The following DPYSL4 variants were observed in gnomAD, a reference collection of about 807,000 sequenced individuals.
The protein encoded by DPYSL4 is dihydropyrimidinase like 4, also known as dihydropyrimidinase-related protein 4.
In DPYSL4, 43 loss-of-function variants were observed where a neutral mutation model predicts 63.4. The observed-to-expected ratio is 0.68, with a 90% CI of 0.53 to 0.88. The LOEUF is 0.88. Ranked by LOEUF, DPYSL4 falls within the 40% of genes least tolerant of loss-of-function variation. The pLI, the probability that DPYSL4 is intolerant of heterozygous loss-of-function variation, is 0.00. For missense variants in DPYSL4, 733 were observed against 819.5 expected, an observed-to-expected ratio of 0.89 and a Z score of 1.29; for synonymous variants, 353 against 331.7, an observed-to-expected ratio of 1.06 and a Z score of -0.70.
chr10:132,188,393 G>A (rs966031408), intron 1 of DPYSL4, among the ~76,000 whole-genome samples: 2 of 152,212 alleles, frequency 1.3e-5, no homozygotes, highest in Non-Finnish European at 2.9e-5. Flanking sequence ...CCTTCTGCCC[G>A]GTTGCGTTTT....
At chr10:132,204,723 G>A (rs906869671) in intron 13 of DPYSL4, 116 bp from the exon 14 acceptor site, 23 of 811,176 alleles carry the variant, frequency 2.8e-5, no homozygotes, top group Non-Finnish European at 3.7e-5. Context: ...GCAGGTGTGC[G>A]GGGGCTCTGC....
rs777892728 is a variant in DPYSL4, at chr10:132,202,690, G to A, written c.1326G>A (p.Ala442=). Residue 442 remains alanine (A), a synonymous_variant, in exon 12 of 14, where the codon GCG becomes GCA. Coordinates refer to ENST00000338492, the MANE Select transcript of DPYSL4 (RefSeq NM_006426.3). ...TCGAGGGAGTGGAGTGCCGGGGAGC[G>A]CCTGCCGTGGTCATAAGTCAGGGCC... ...NIFEGVECRG[A]PAVVISQGRV... 54 of 1,613,078 alleles carry A rather than the reference G, an allele frequency of 3.3e-5. No individual in the cohort carries two copies. The East Asian group carries it at 4.7e-4, about 14-fold the overall frequency.
Position 132,191,746 on chromosome 10 carries a change from C to G in DPYSL4, c.128+911C>G, listed in dbSNP as rs2492644. ...CCAGGCAGGTGAAAGTATGTTCCCA[C>G]CTCTTGTGTACACACTGGTCACGTG... On this transcript the variant is annotated intron_variant, in intron 2 of 13. Transcript: ENST00000338492. Among the ~76,000 whole-genome samples the G allele has an allele frequency of 5.6e-3, 318 of 56,324 alleles. 1 individual carries two copies. The highest frequency in any genetic ancestry group is 0.029 in the East Asian group (6 of 206). The allele number at this position is 56,324 out of a possible 152,430, so 37.0% of individuals were successfully genotyped here.
Position 132,186,994 on chromosome 10 carries a change from T to TCCCGCC in DPYSL4, c.-67_-66insGCCCCC. 1.4e-5 allele frequency: 3 copies of TCCCGCC among 217,372 alleles called. No homozygotes were observed. Among genetic ancestry groups the TCCCGCC allele is most frequent in the South Asian group, 7.5e-5 (1 of 13,406 alleles). 13.5% of individuals were successfully genotyped at this position (217,372 alleles called of 1,614,324 possible). A position where few individuals can be genotyped will look rare whatever the true frequency, so the allele number is the denominator to read the frequency against. On this transcript the variant is annotated 5_prime_UTR_variant, in exon 1 of 14. Transcript: ENST00000338492. Reference sequence around the variant, plus strand: ...CCACGCACGCGTCCCGGCTCACGCGTCCCCCCGCCCGCCCGCCCGCCCGCC... The same window carrying TCCCGCC: ...CCACGCACGCGTCCCGGCTCACGCGTCCCGCCCCCCCCGCCCGCCCGCCCGCCCGCC...
chr10:132,203,603 C>T, intron 12 of DPYSL4, 159 bp from the exon 13 acceptor site: 2 of 673,132 alleles, frequency 3.0e-6, no homozygotes, highest in South Asian at 3.9e-5. Flanking sequence ...GAGCACCCCC[C>T]CAGGGCAGCC....
At chr10:132,204,554 G>A (rs1024411505) in intron 13 of DPYSL4, among the ~76,000 whole-genome samples, 3 of 152,170 alleles carry the variant, frequency 2.0e-5, no homozygotes, top group Non-Finnish European at 2.9e-5. Context: ...GAGCAGGGAC[G>A]AGGCAGGACT....
At chr10:132,202,348 G>A (rs559455491) in intron 11 of DPYSL4, among the ~76,000 whole-genome samples, 3 of 152,236 alleles carry the variant, frequency 2.0e-5, no homozygotes, top group African/African-American at 7.2e-5. Context: ...GGAGGAGGCT[G>A]GGGCAGAGCG....
intron 10 of DPYSL4, 27 bp from the exon 11 acceptor site, chr10:132,201,919 C>A (rs529305684): frequency 6.3e-7 from 1 of 1,599,918 alleles, no homozygotes; most frequent in South Asian, 1.1e-5. Context: ...CACCCGTCGC[C>A]CTCAGCTCAG....
At chr10:132,201,159 C>T (rs2062012269) in intron 10 of DPYSL4, among the ~76,000 whole-genome samples, 176 bp downstream of exon 10, 1 of 152,100 alleles carries the variant, frequency 6.6e-6, no homozygotes, top group Non-Finnish European at 1.5e-5. Flanking sequence ...TGGTTCTGGC[C>T]CCTCCAGATG....
intron 8 of DPYSL4, among the ~76,000 whole-genome samples, chr10:132,200,133 G>C (rs2061993370): frequency 6.6e-6 from 1 of 152,162 alleles, no homozygotes; most frequent in South Asian, 2.1e-4. Flanking sequence ...GCGTCCGCAG[G>C]CCAGACTCCC....
At position 132,200,920 on chromosome 10, in the gene DPYSL4, G is replaced by A. The variant is rs768294473; in HGVS notation, c.1047G>A (p.Ala349=). 1.2e-5 allele frequency: 19 copies of A among 1,613,180 alleles called. No individual in the cohort carries two copies. The highest frequency in any genetic ancestry group is 6.6e-5 in the South Asian group (6 of 91,084). Reference sequence around the variant, plus strand: ...AGGCTGTGGGCAAGGACAACTTCGCGCTGATCCCCGAGGGCACCAACGGCA... The same window carrying A: ...AGGCTGTGGGCAAGGACAACTTCGCACTGATCCCCGAGGGCACCAACGGCA... The part of the protein sequence containing the change: ...AQKAVGKDNF[A]LIPEGTNGIE... The change falls in exon 10 of 14, where the codon GCG becomes GCA. Residue 349 remains alanine (A), a synonymous_variant. Coordinates refer to ENST00000338492, the MANE Select transcript of DPYSL4 (RefSeq NM_006426.3).
At chr10:132,189,767 C>T (rs2061849938) in intron 1 of DPYSL4, among the ~76,000 whole-genome samples, 1 of 152,226 alleles carries the variant, frequency 6.6e-6, no homozygotes, top group South Asian at 2.1e-4. Context: ...CCCACTGTTA[C>T]CTGTCACAAG....
At chr10:132,196,308 C>T (rs367662738) in intron 4 of DPYSL4, among the ~76,000 whole-genome samples, 2 of 152,202 alleles carry the variant, frequency 1.3e-5, no homozygotes, top group East Asian at 1.9e-4. Flanking sequence ...TGGGCCCCAA[C>T]GTCAGAGGCA....
chr10:132,197,148 G>C (rs1253050196), intron 6 of DPYSL4, 47 bp downstream of exon 6: 1 of 1,443,216 alleles, frequency 6.9e-7, no homozygotes, highest in African/African-American at 1.4e-5. Flanking sequence ...GGGCTGCCGT[G>C]GGGCAGGGGC....
chr10:132,202,203 G>A, intron 11 of DPYSL4, 87 bp downstream of exon 11: 2 of 1,501,426 alleles, frequency 1.3e-6, no homozygotes, highest in Admixed American at 2.1e-5. Context: ...CAGGACAGAG[G>A]CCCACGTGGC....
At chr10:132,199,680 A>C (rs2061987027) in intron 8 of DPYSL4, among the ~76,000 whole-genome samples, 1 of 21,334 alleles carries the variant, frequency 4.7e-5, no homozygotes, top group South Asian at 1.5e-3. Flanking sequence ...GTCCCTGGGC[A>C]GGGTGGGGGG....
At chr10:132,192,933 C>CT in intron 3 of DPYSL4, 91 bp downstream of exon 3, 1 of 1,326,604 alleles carries the variant, frequency 7.5e-7, no homozygotes, top group Non-Finnish European at 1.0e-6. Context: ...GGAGTGTCGC[C>CT]TAAAGGTGCC....
rs1241977874 is a variant in DPYSL4, at chr10:132,186,962, G to T, written c.-102G>T. On this transcript the variant is annotated 5_prime_UTR_variant, in exon 1 of 14. Transcript: ENST00000338492. Reference sequence around the variant, plus strand: ...CCCGCGCGCTCGCAGTCTGTCTCCCGCCGTCCCCACGCACGCGTCCCGGCT... The same window carrying T: ...CCCGCGCGCTCGCAGTCTGTCTCCCTCCGTCCCCACGCACGCGTCCCGGCT... The T allele has an allele frequency of 3.7e-6, 2 of 540,638 alleles. No individual in the cohort carries two copies. Among genetic ancestry groups the T allele is most frequent in the Non-Finnish European group, 3.0e-6 (1 of 335,702 alleles). The allele number at this position is 540,638 out of a possible 1,614,324, so 33.5% of individuals were successfully genotyped here. A position where few individuals can be genotyped will look rare whatever the true frequency, so the allele number is the denominator to read the frequency against.
At position 132,186,996 on chromosome 10, in the gene DPYSL4, C is replaced by CGGCCCCCCCCCCCCCCCCCCCCCCCT; in HGVS notation, c.-68_-67insGGCCCCCCCCCCCCCCCCCCCCCCCT. On this transcript the variant is annotated 5_prime_UTR_variant, in exon 1 of 14. Coordinates refer to ENST00000338492, the MANE Select transcript of DPYSL4 (RefSeq NM_006426.3). ...ACGCACGCGTCCCGGCTCACGCGTC[C>CGGCCCCCCCCCCCCCCCCCCCCCCCT]CCCCGCCCGCCCGCCCGCCCGCCCG... is the stretch of plus-strand genomic sequence containing the variant. 5 of 37,602 alleles carry CGGCCCCCCCCCCCCCCCCCCCCCCCT rather than the reference C, an allele frequency of 1.3e-4. 1 individual carries two copies. The highest frequency in any genetic ancestry group is 4.1e-4 in the South Asian group (1 of 2,426). The allele number at this position is 37,602 out of a possible 1,614,324, so 2.3% of individuals were successfully genotyped here.
Sources: gnomAD v4.1 joint callset for allele counts (sites outside exome capture counted in the v4.1 genomes callset) on GRCh38, gnomAD v4.1.1 for gene constraint, MANE v1.5 for transcripts, NCBI Gene and HGNC (gene_info 2026-07-23, HGNC 2026-07-21) for gene names.